Variants in CLEC16A observed in about 807,000 individuals in gnomAD.
CLEC16A encodes the protein protein CLEC16A.
A neutral mutation model predicts 109.5 loss-of-function variants in CLEC16A; 51 were observed. The observed-to-expected ratio is 0.47, with a 90% CI of 0.37 to 0.59. The LOEUF (loss-of-function observed/expected upper bound fraction) is 0.59, where lower values mean the gene tolerates loss of function less well. Among genes scored for constraint, CLEC16A ranks in the 20% least tolerant of loss-of-function variants. The pLI is 0.00. For synonymous variants in CLEC16A, 673 were observed against 564.2 expected (o/e 1.19, Z -2.73); for missense variants, 1,339 against 1,394.0 (o/e 0.96, Z 0.63).
At chr16:11,088,628 G>A (rs961902683) in intron 19 of CLEC16A, among the ~76,000 whole-genome samples, 9 of 152,150 alleles carry the variant, frequency 5.9e-5, no homozygotes, top group Non-Finnish European at 5.9e-5. Context: ...AGCCACGCGC[G>A]GAGAGCTTCT....
In CLEC16A at chr16:10,944,683, G is replaced by A. The variant is rs1408419244; in HGVS notation, c.-35G>A. Reference sequence around the variant, plus strand: ...GGGCCGCTCTGCTGGTCCGGCATGAGACCGTGAGACGAGAGACGGGTCGGG... The same window carrying A: ...GGGCCGCTCTGCTGGTCCGGCATGAAACCGTGAGACGAGAGACGGGTCGGG... On this transcript the variant is annotated 5_prime_UTR_variant, in exon 1 of 24. Coordinates refer to ENST00000409790, the MANE Select transcript of CLEC16A (RefSeq NM_015226.3). 1 of 1,581,030 alleles carries A rather than the reference G, an allele frequency of 6.3e-7. No individual in the cohort carries two copies. The highest frequency in any genetic ancestry group is 1.8e-5 in the Admixed American group (1 of 57,072).
chr16:11,044,481 A>G (rs1013208849), intron 16 of CLEC16A, among the ~76,000 whole-genome samples: 1 of 152,254 alleles, frequency 6.6e-6, no homozygotes, highest in Non-Finnish European at 1.5e-5. Flanking sequence ...TGAACCATAT[A>G]CATGTATATT....
At chr16:10,979,987 G>A (rs563404106) in intron 9 of CLEC16A, among the ~76,000 whole-genome samples, 156 of 152,200 alleles carry the variant, frequency 1.0e-3, no homozygotes, top group African/African-American at 3.5e-3. Context: ...ACTCCATGGC[G>A]ACCCAGTTAC....
intron 11 of CLEC16A, among the ~76,000 whole-genome samples, chr16:11,012,661 A>AT (rs2045505811): frequency 6.6e-6 from 1 of 151,040 alleles, no homozygotes; most frequent in Non-Finnish European, 1.5e-5. Flanking sequence ...TACTTACCCG[A>AT]TTTTTGGTGA....
chr16:10,965,069 C>G (rs144830992), intron 3 of CLEC16A, among the ~76,000 whole-genome samples: 130 of 152,306 alleles, frequency 8.5e-4, no homozygotes, highest in Non-Finnish European at 1.7e-3. Context: ...TGGTAACCAC[C>G]CTTTGACTCT....
chr16:11,108,766 A>G (rs2051375192), intron 19 of CLEC16A, among the ~76,000 whole-genome samples: 1 of 152,204 alleles, frequency 6.6e-6, no homozygotes, highest in Admixed American at 6.5e-5. Flanking sequence ...GGCTTGGCAT[A>G]TAAAAGCACT....
chr16:11,070,967 A>C (rs2049039468), intron 19 of CLEC16A: 1 of 152,262 alleles, frequency 6.6e-6, no homozygotes, highest in Non-Finnish European at 1.5e-5. Context: ...TTGCGGATTA[A>C]TGTGAATATC....
intron 19 of CLEC16A, among the ~76,000 whole-genome samples, chr16:11,110,008 G>T (rs944325685): frequency 6.6e-6 from 1 of 152,184 alleles, no homozygotes; most frequent in Non-Finnish European, 1.5e-5. Flanking sequence ...ATTGGCATCC[G>T]TATTTTATTG....
chr16:11,078,903 C>A (rs998040405), intron 19 of CLEC16A, among the ~76,000 whole-genome samples: 2 of 152,204 alleles, frequency 1.3e-5, no homozygotes, highest in Non-Finnish European at 2.9e-5. Flanking sequence ...TCTCCACTTT[C>A]CTGCATCCGT....
intron 22 of CLEC16A, among the ~76,000 whole-genome samples, chr16:11,161,878 G>A (rs143512414): frequency 5.9e-5 from 9 of 152,316 alleles, no homozygotes; most frequent in East Asian, 1.9e-4. Flanking sequence ...AGCGAAACTC[G>A]TGTGCAAGCC....
chr16:11,174,931 C>G lies in CLEC16A; in HGVS notation c.2807-3404C>G, dbSNP rs1207981400. ...TGGCTCGCTGTCGGGGCCATCCCTG[C>G]TGCCTCCCCTATGACGCTTCTTCTG... On this transcript the variant is annotated intron_variant, in intron 23 of 23. Coordinates refer to ENST00000409790, the MANE Select transcript of CLEC16A (RefSeq NM_015226.3). The surrounding 1 kb of genome is among the most constrained non-coding windows in gnomAD (Gnocchi z 4.7). Among the ~76,000 whole-genome samples the G allele has an allele frequency of 6.6e-6, 1 of 152,220 alleles. No homozygotes were observed. Among genetic ancestry groups the G allele is most frequent in the African/African-American group, 2.4e-5 (1 of 41,424 alleles).
intron 10 of CLEC16A, among the ~76,000 whole-genome samples, chr16:10,991,471 C>T (rs981470882): frequency 4.0e-5 from 6 of 148,320 alleles, no homozygotes; most frequent in South Asian, 2.2e-4. Context: ...AAAGGCCCTG[C>T]GGTGGGATGG....
At chr16:11,039,213 A>G (rs1330384548) in intron 13 of CLEC16A, among the ~76,000 whole-genome samples, 1 of 152,162 alleles carries the variant, frequency 6.6e-6, no homozygotes, top group Admixed American at 6.5e-5. Flanking sequence ...CTTCTCTCCA[A>G]CACTATTAAG....
intron 13 of CLEC16A, chr16:11,027,041 A>G (rs1403611479): frequency 3.2e-6 from 5 of 1,566,162 alleles, no homozygotes; most frequent in Non-Finnish European, 3.5e-6. Context: ...AGGAAGAGCA[A>G]AGAAAAATCC....
Position 11,166,437 on chromosome 16 carries a change from C to G in CLEC16A, c.2691C>G (p.Ser897=). ...ACCAGCACAGCTCCCCGTCCCTGTC[C>G]TCACAGTCGCCACCCTCCGCCAGCG... ...CINQHSSPSL[S]SQSPPSASGS... Residue 897 remains serine, a synonymous_variant, in exon 23 of 24, where the codon TCC becomes TCG. Coordinates refer to ENST00000409790, the MANE Select transcript of CLEC16A (RefSeq NM_015226.3). 2 of 1,607,170 alleles carry G rather than the reference C, an allele frequency of 1.2e-6. No individual in the cohort carries two copies. Among genetic ancestry groups the G allele is most frequent in the Non-Finnish European group, 1.7e-6 (2 of 1,179,786 alleles).
chr16:11,171,700 T>G (rs1186562995), intron 23 of CLEC16A, among the ~76,000 whole-genome samples: 2 of 152,212 alleles, frequency 1.3e-5, no homozygotes, highest in Non-Finnish European at 2.9e-5. Flanking sequence ...TAGAACCACA[T>G]GTGGGGCCAC....
intron 22 of CLEC16A, among the ~76,000 whole-genome samples, chr16:11,163,468 G>T (rs1439216130): frequency 7.4e-6 from 1 of 136,024 alleles, no homozygotes; most frequent in Non-Finnish European, 1.6e-5. Flanking sequence ...AAATGGATGG[G>T]ATCGGTAGTT....
chr16:11,020,209 C>T lies in CLEC16A; in HGVS notation c.1320C>T (p.Ile440=). ...GGCTTCCAGAGATCGAGATGGTGAT[C>T]ATGGAGCGTAGCAAGCTCTCAGAGC... ...SGESEEIEMV[I]MERSKLSELA... is the part of the protein sequence containing the mutation. Residue 440 remains isoleucine, a synonymous_variant, in exon 12 of 24, where the codon ATC becomes ATT. Coordinates refer to ENST00000409790, the MANE Select transcript of CLEC16A (RefSeq NM_015226.3). 1 of 1,612,606 alleles carries T rather than the reference C, an allele frequency of 6.2e-7. No individual in the cohort carries two copies. The highest frequency in any genetic ancestry group is 8.5e-7 in the Non-Finnish European group (1 of 1,179,076).
chr16:11,007,648 C>T (rs1321170445), intron 11 of CLEC16A, among the ~76,000 whole-genome samples: 2 of 152,202 alleles, frequency 1.3e-5, no homozygotes, highest in African/African-American at 4.8e-5. Context: ...AGGTGGAGGG[C>T]AGAGTGAGGC....
Sources: allele counts gnomAD v4.1 joint callset (sites outside exome capture counted in the v4.1 genomes callset), GRCh38; gene constraint gnomAD v4.1.1; non-coding constraint Gnocchi (gnomAD v3.1); transcripts MANE v1.5; gene names NCBI Gene and HGNC (gene_info 2026-07-23, HGNC 2026-07-21).